The following DAPK2 variants were observed in gnomAD, a reference collection of about 807,000 sequenced individuals.
DAPK2 encodes death associated protein kinase 2.
In DAPK2, 35 loss-of-function variants were observed where a neutral mutation model predicts 44.1. That is an observed-to-expected ratio of 0.79 (90% CI 0.61 to 1.05). The LOEUF (loss-of-function observed/expected upper bound fraction) is 1.05. Among genes scored for constraint, DAPK2 ranks in the 50% least tolerant of loss-of-function variants. DAPK2 has a pLI of 0.00. For synonymous variants in DAPK2, 174 were observed against 182.6 expected, an observed-to-expected ratio of 0.95 and a Z score of 0.38; for missense variants, 453 against 483.2, an observed-to-expected ratio of 0.94 and a Z score of 0.59.
chr15:63,987,610 G>C (rs2078701791), intron 1 of DAPK2, among the ~76,000 whole-genome samples: 1 of 152,168 alleles, frequency 6.6e-6, no homozygotes, highest in South Asian at 2.1e-4. Flanking sequence ...TGCTATCAAA[G>C]TTTCATGGGC....
At chr15:63,932,145 T>A (rs1263992723) in intron 4 of DAPK2, among the ~76,000 whole-genome samples, 7 of 117,474 alleles carry the variant, frequency 6.0e-5, no homozygotes, top group Non-Finnish European at 1.0e-4. Context: ...CCAGCCTGGG[T>A]GACAGAGTGA....
intron 1 of DAPK2, among the ~76,000 whole-genome samples, chr15:63,988,040 G>T (rs1202256817): frequency 3.3e-5 from 5 of 152,154 alleles, no homozygotes; most frequent in Non-Finnish European, 5.9e-5. Flanking sequence ...AGTCACGTAG[G>T]ATGGTTTCGT....
At chr15:63,930,308 G>A in intron 5 of DAPK2, 99 bp downstream of exon 6, 1 of 1,164,858 alleles carries the variant, frequency 8.6e-7, no homozygotes, top group South Asian at 1.2e-5. Context: ...TGTGGAGTAA[G>A]GGGCTTTCAT....
intron 2 of DAPK2, among the ~76,000 whole-genome samples, chr15:63,976,220 C>T (rs1395690035): frequency 2.0e-5 from 3 of 152,162 alleles, no homozygotes; most frequent in Non-Finnish European, 4.4e-5. Flanking sequence ...ATGTGCTGTC[C>T]AATAGAGTAG....
chr15:63,939,400 G>T lies in DAPK2; in HGVS notation c.454-39C>A. 6.9e-7 allele frequency: 1 copy of T among 1,457,820 alleles called. No individual in the cohort carries two copies. The highest frequency in any genetic ancestry group is 9.3e-7 in the Non-Finnish European group (1 of 1,072,106). The allele number at this position is 1,457,820 out of a possible 1,614,324, so 90.3% of individuals were successfully genotyped here. A position where few individuals can be genotyped will look rare whatever the true frequency, so the allele number is the denominator to read the frequency against. On this transcript the variant is annotated intron_variant, in intron 3 of 10. Coordinates refer to ENST00000261891, the Ensembl canonical transcript of DAPK2. The surrounding 1 kb of genome is among the most constrained non-coding windows in gnomAD (Gnocchi z 4.3). The stretch of plus-strand genomic sequence containing the variant: ...AGTAGAAAAAAAAAAAAGGAAGGAA[G>T]AAAAGAAAAAAAAAGACGGTAATTA...
At chr15:64,034,251 A>G (rs1317684896) in intron 1 of DAPK2, among the ~76,000 whole-genome samples, 1 of 151,962 alleles carries the variant, frequency 6.6e-6, no homozygotes, top group African/African-American at 2.4e-5. Flanking sequence ...TTCCTAGAGG[A>G]TGTTGTTTCT....
chr15:64,002,948 GTGTGTGTGTGTGTGTGTCGTGGGACC>G (rs2079123865), intron 1 of DAPK2, among the ~76,000 whole-genome samples: 2 of 134,798 alleles, frequency 1.5e-5, no homozygotes, highest in Admixed American at 1.5e-4. Flanking sequence ...GTGTGTGTGT[GTGTGTGTGTGTGTGTGTCGTGGGACC>G]TGTGTGTGTG....
intron 1 of DAPK2, among the ~76,000 whole-genome samples, chr15:63,997,568 T>C (rs866428838): frequency 6.6e-6 from 1 of 152,206 alleles, no homozygotes; most frequent in East Asian, 1.9e-4. Context: ...TGACTTCAGG[T>C]GATCTGCCCA....
In DAPK2 at chr15:63,943,567, G is replaced by A. The variant is rs192481045; in HGVS notation, c.454-4206C>T. ...ATGATTCCCCTTCCTTGCTTCTCAG[G>A]GGTCTTATTAATCTAGCCCAGGAGG... On this transcript the variant is annotated intron_variant, in intron 3 of 10. Transcript: ENST00000261891. Among the ~76,000 whole-genome samples the A allele has an allele frequency of 3.5e-4, 53 of 151,970 alleles. No individual in the cohort carries two copies. In the East Asian group the frequency reaches 6.8e-3, roughly 20 times the overall value.
upstream of DAPK2, among the ~76,000 whole-genome samples, chr15:64,043,950 C>T (rs441273): frequency 0.035 from 5,340 of 152,272 alleles, 299 homozygotes; most frequent in African/African-American, 0.12. Context: ...GGCCGCTACT[C>T]AGATGCTCAT....
chr15:63,998,125 G>T (rs140489413), intron 1 of DAPK2, among the ~76,000 whole-genome samples: 334 of 152,330 alleles, frequency 2.2e-3, no homozygotes, highest in African/African-American at 7.7e-3. Flanking sequence ...ACATATCCTT[G>T]GTGCTTAGGA....
chr15:63,990,536 T>A lies in DAPK2; in HGVS notation c.93-6782A>T, dbSNP rs1010496874. Among the ~76,000 whole-genome samples, 4 of 152,138 alleles carry A rather than the reference T, an allele frequency of 2.6e-5. No homozygotes were observed. The highest frequency in any genetic ancestry group is 4.8e-5 in the African/African-American group (2 of 41,434). On this transcript the variant is annotated intron_variant, in intron 1 of 10. Coordinates refer to ENST00000261891, the Ensembl canonical transcript of DAPK2. The surrounding 1 kb of genome is among the most constrained non-coding windows in gnomAD (Gnocchi z 4.3). ...GTGATGTACCCCTAAGTCACCAGTC[T>A]ATCAAGGTGGAAATGAGGTAGAGCT...
At chr15:63,920,537 C>A (rs1253328308) in intron 8 of DAPK2, 1 of 152,146 alleles carries the variant, frequency 6.6e-6, no homozygotes, top group Non-Finnish European at 1.5e-5. Context: ...TTTCTCATAG[C>A]TGATGAAGTA....
In DAPK2 at chr15:63,996,007, C is replaced by G. The variant is rs138948261; in HGVS notation, c.93-12253G>C. ...GAAAATGATGTCATCTATCTTATTT[C>G]CTTTTTGTTATCTTGGTACCAAATG... On this transcript the variant is annotated intron_variant, in intron 1 of 10. Transcript: ENST00000261891. 3.9e-5 allele frequency among the ~76,000 whole-genome samples: 6 copies of G among 152,312 alleles called. No homozygotes were observed. In the East Asian group the frequency reaches 1.2e-3, roughly 29 times the overall value.
chr15:63,925,523 C>T (rs2079218120), intron 7 of DAPK2, among the ~76,000 whole-genome samples: 1 of 152,156 alleles, frequency 6.6e-6, no homozygotes, highest in Non-Finnish European at 1.5e-5. Context: ...CACCATCCCA[C>T]TGTACTGACC....
In DAPK2 at chr15:63,939,454, G is replaced by A; in HGVS notation, c.454-93C>T. 7.8e-7 allele frequency: 1 copy of A among 1,280,118 alleles called. No individual in the cohort carries two copies. Among genetic ancestry groups the A allele is most frequent in the Non-Finnish European group, 1.1e-6 (1 of 937,402 alleles). 79.3% of individuals were successfully genotyped at this position (1,280,118 alleles called of 1,614,324 possible). On this transcript the variant is annotated intron_variant, in intron 3 of 10. Transcript: ENST00000261891. This position sits in a 1 kb window ranked among gnomAD's most constrained non-coding sequence, Gnocchi z 4.3. ...GCTGGTTGGTTCGTGTTTTGGCTTT[G>A]GGGTTTGGGGTGGGACTTGGTGTTC...
chr15:64,007,555 G>A (rs1005632061), intron 1 of DAPK2, among the ~76,000 whole-genome samples: 2 of 152,180 alleles, frequency 1.3e-5, no homozygotes, highest in African/African-American at 4.8e-5. Context: ...CCTGGAGGGG[G>A]ACAGGCTTAC....
rs1232582367 is a variant in DAPK2 at position 63,908,691 on chromosome 15, TGGACCACG to T, written c.1033-99_1033-92del. On this transcript the variant is annotated intron_variant, in intron 10 of 10. Coordinates refer to ENST00000261891, the Ensembl canonical transcript of DAPK2. The surrounding 1 kb of genome is among the most constrained non-coding windows in gnomAD (Gnocchi z 5.7). ...GCTGGGCAACCTGGGTTGATTCACC[TGGACCACG>T]GGACTACAAGCCAGGGAGGTGGGTG... is the stretch of plus-strand genomic sequence containing the variant. 13 of 1,089,094 alleles carry T rather than the reference TGGACCACG, an allele frequency of 1.2e-5. No homozygotes were observed. The highest frequency in any genetic ancestry group is 1.7e-5 in the Non-Finnish European group (13 of 784,406). 67.5% of individuals were successfully genotyped at this position (1,089,094 alleles called of 1,614,324 possible).
At chr15:63,932,254 T>C (rs1164863644) in intron 4 of DAPK2, among the ~76,000 whole-genome samples, 5 of 150,382 alleles carry the variant, frequency 3.3e-5, no homozygotes, top group Non-Finnish European at 1.5e-5. Flanking sequence ...TCACCTGAGG[T>C]TGGGAGTTTG....
Sources: gnomAD v4.1 joint callset for allele counts (sites outside exome capture counted in the v4.1 genomes callset) on GRCh38, gnomAD v4.1.1 for gene constraint, Gnocchi (gnomAD v3.1) non-coding constraint, MANE v1.5 for transcripts, NCBI Gene and HGNC (gene_info 2026-07-23, HGNC 2026-07-21) for gene names.